Variants in SLC16A2 observed in about 807,000 individuals in gnomAD.
The protein encoded by SLC16A2 is monocarboxylate transporter 8.
SLC16A2 carries 3 observed loss-of-function variants against 27.2 expected under a neutral mutation model. The ratio of observed to expected loss-of-function variants is 0.11; its 90% CI spans 0.05 to 0.28. SLC16A2 has a LOEUF of 0.28. Among genes scored for constraint, SLC16A2 ranks in the 10% least tolerant of loss-of-function variants. The probability of loss-of-function intolerance (pLI) is 1.00; values close to 1 mark genes in which losing one functional copy is unlikely to be tolerated. For missense variants in SLC16A2, 295 were observed against 458.5 expected, an observed-to-expected ratio of 0.64 and a Z score of 3.26; for synonymous variants, 202 against 187.8, an observed-to-expected ratio of 1.08 and a Z score of -0.62.
intron 1 of SLC16A2, among the ~76,000 whole-genome samples, chrX:74,509,261 G>T (rs1256015934): frequency 9.0e-6 from 1 of 111,330 alleles, no homozygotes; most frequent in Non-Finnish European, 1.9e-5. Flanking sequence ...ACTGCACCTG[G>T]CACCCTATTC....
At chrX:74,422,214 C>G in intron 1 of SLC16A2, 147 bp downstream of exon 1, 1 of 609,099 alleles carries the variant, frequency 1.6e-6, no homozygotes, top group East Asian at 3.6e-5. Context: ...CCCCTTGCCC[C>G]TTTCCATGGC....
intron 1 of SLC16A2, among the ~76,000 whole-genome samples, chrX:74,507,936 A>T (rs1240966707): frequency 1.8e-5 from 2 of 112,254 alleles, no homozygotes; most frequent in Non-Finnish European, 1.9e-5. Context: ...GGCCGTTGTG[A>T]ATAGTACTGC....
At chrX:74,475,937 T>G (rs1929467948) in intron 1 of SLC16A2, among the ~76,000 whole-genome samples, 2 of 111,663 alleles carry the variant, frequency 1.8e-5, no homozygotes, top group African/African-American at 6.5e-5. Context: ...TTTGCTCTTT[T>G]GGCTTAGGAT....
intron 1 of SLC16A2, among the ~76,000 whole-genome samples, chrX:74,441,072 T>C (rs2147841821): frequency 9.2e-6 from 1 of 109,030 alleles, no homozygotes; most frequent in African/African-American, 3.3e-5. Flanking sequence ...GATTTTTTTT[T>C]TTTTAGACGG....
At chrX:74,485,360 CAT>C (rs1381115114) in intron 1 of SLC16A2, among the ~76,000 whole-genome samples, 1 of 110,666 alleles carries the variant, frequency 9.0e-6, no homozygotes, top group Non-Finnish European at 1.9e-5. Flanking sequence ...CTAAAGAAAA[CAT>C]AAGCATTTTT....
chrX:74,463,951 CCAT>C (rs951703552), intron 1 of SLC16A2, among the ~76,000 whole-genome samples: 17 of 112,454 alleles, frequency 1.5e-4, no homozygotes, highest in African/African-American at 5.5e-4. Context: ...CCCTCCACCA[CCAT>C]CGTCTGGCAA....
At position 74,421,802 on chromosome X, in the gene SLC16A2, C is replaced by T. The variant is rs1272282113; in HGVS notation, c.165C>T (p.Pro55=). ...PVPPPEPQPE[P]QPLPDPAPLP... is the part of the protein sequence containing the mutation. ...CCCCGCCCGAGCCCCAGCCGGAGCC[C>T]CAGCCCCTACCGGACCCCGCACCCC... Residue 55 remains proline, a synonymous_variant, in exon 1 of 6, where the codon CCC becomes CCT. Coordinates refer to ENST00000587091, the MANE Select transcript of SLC16A2 (RefSeq NM_006517.5). 1 of 1,160,667 alleles carries T rather than the reference C, an allele frequency of 8.6e-7. No homozygotes were observed. Among genetic ancestry groups the T allele is most frequent in the East Asian group, 3.1e-5 (1 of 31,965 alleles).
At chrX:74,428,098 TC>T (rs1350670719) in intron 1 of SLC16A2, among the ~76,000 whole-genome samples, 3 of 95,699 alleles carry the variant, frequency 3.1e-5, no homozygotes, top group African/African-American at 1.2e-4. Flanking sequence ...AGTCTCTTTC[TC>T]CCTTCATCCT....
At chrX:74,476,917 A>T (rs1289403547) in intron 1 of SLC16A2, 1 of 111,938 alleles carries the variant, frequency 8.9e-6, no homozygotes, top group Non-Finnish European at 1.9e-5. Flanking sequence ...GATGTTCATC[A>T]AGGATATTGG....
intron 5 of SLC16A2, 68 bp downstream of exon 5, chrX:74,529,509 G>A: frequency 6.0e-6 from 5 of 834,515 alleles, no homozygotes; most frequent in South Asian, 4.7e-5. Flanking sequence ...TGGCACTCCT[G>A]AGCATCTCTC....
intron 1 of SLC16A2, among the ~76,000 whole-genome samples, chrX:74,443,979 C>T (rs762978825): frequency 1.1e-4 from 12 of 111,076 alleles, no homozygotes; most frequent in Admixed American, 9.6e-5. Flanking sequence ...CAGTCTGGTA[C>T]CAGGTGTGTA....
At chrX:74,477,979 G>C (rs931419622) in intron 1 of SLC16A2, among the ~76,000 whole-genome samples, 2 of 112,152 alleles carry the variant, frequency 1.8e-5, no homozygotes, top group African/African-American at 6.5e-5. Flanking sequence ...TTGGGTTGGA[G>C]AGTTCTGTAG....
rs1928289565 is a variant in SLC16A2, at chrX:74,421,496, C to G, written c.-142C>G. 2.5e-6 allele frequency: 2 copies of G among 802,202 alleles called. No individual in the cohort carries two copies. The highest frequency in any genetic ancestry group is 3.7e-6 in the Non-Finnish European group (2 of 540,408). 66.1% of individuals were successfully genotyped at this position (802,202 alleles called of 1,213,427 possible). A position where few individuals can be genotyped will look rare whatever the true frequency, so the allele number is the denominator to read the frequency against. ...ACCGTCTGTCGCGGGACGGGCTGGC[C>G]AGCTGGGGCGCGGAGCCTGGAGGAG... On this transcript the variant is annotated 5_prime_UTR_variant, in exon 1 of 6. Coordinates refer to ENST00000587091, the MANE Select transcript of SLC16A2 (RefSeq NM_006517.5).
At chrX:74,494,181 A>C (rs890562161) in intron 1 of SLC16A2, among the ~76,000 whole-genome samples, 1 of 112,402 alleles carries the variant, frequency 8.9e-6, no homozygotes, top group Non-Finnish European at 1.9e-5. Flanking sequence ...TACATTTGCC[A>C]GTGTTATGTG....
intron 1 of SLC16A2, among the ~76,000 whole-genome samples, chrX:74,477,513 C>T (rs1929508319): frequency 9.0e-6 from 1 of 111,263 alleles, no homozygotes; most frequent in African/African-American, 3.3e-5. Flanking sequence ...TATATCTTGC[C>T]TTCTGCTAGC....
At chrX:74,470,806 C>T (rs746696293) in intron 1 of SLC16A2, among the ~76,000 whole-genome samples, 46 of 110,583 alleles carry the variant, frequency 4.2e-4, no homozygotes, top group African/African-American at 1.3e-3. Flanking sequence ...GGTGTGGTGG[C>T]GGCTACCTGT....
chrX:74,475,879 T>C (rs1264491111), intron 1 of SLC16A2, among the ~76,000 whole-genome samples: 1 of 111,933 alleles, frequency 8.9e-6, no homozygotes, highest in Non-Finnish European at 1.9e-5. Flanking sequence ...TTTTGGTTAC[T>C]GTAGCCCTGT....
intron 1 of SLC16A2, among the ~76,000 whole-genome samples, chrX:74,488,331 T>C (rs951321118): frequency 1.8e-5 from 2 of 111,551 alleles, no homozygotes; most frequent in African/African-American, 6.5e-5. Context: ...ATAAAAGTTA[T>C]AGGAGTCAAG....
At chrX:74,476,041 G>T (rs1296135413) in intron 1 of SLC16A2, among the ~76,000 whole-genome samples, 1 of 111,147 alleles carries the variant, frequency 9.0e-6, no homozygotes, top group Non-Finnish European at 1.9e-5. Flanking sequence ...GCTTGATGGG[G>T]ATGGCATTGA....
Sources: gnomAD v4.1 joint callset for allele counts (sites outside exome capture counted in the v4.1 genomes callset) on GRCh38, gnomAD v4.1.1 for gene constraint, MANE v1.5 for transcripts, NCBI Gene and HGNC (gene_info 2026-07-23, HGNC 2026-07-21) for gene names.